Variants in SLC25A26 observed in about 807,000 individuals in gnomAD.
The protein encoded by SLC25A26 is solute carrier family 25 member 26.
SLC25A26 carries 36 observed loss-of-function variants against 37.8 expected under a neutral mutation model. The observed-to-expected ratio is 0.95, with a 90% confidence interval of 0.73 to 1.26. The LOEUF is 1.26. Ranked by LOEUF, SLC25A26 falls within the 50% of genes most tolerant of loss-of-function variation. The probability of loss-of-function intolerance (pLI) is 0.00; values close to 1 mark genes in which losing one functional copy is unlikely to be tolerated. For missense variants in SLC25A26, 390 were observed against 331.1 expected (o/e 1.18, Z -1.38); for synonymous variants, 129 against 122.5 (o/e 1.05, Z -0.35).
At chr3:66,234,950 G>A (rs1175766072) in intron 1 of SLC25A26, among the ~76,000 whole-genome samples, 1 of 152,138 alleles carries the variant, frequency 6.6e-6, no homozygotes, top group East Asian at 1.9e-4. Flanking sequence ...TACTATGTAG[G>A]AAAGTTTCCT....
chr3:66,156,415 C>T (rs910325926), intron 1 of SLC25A26, among the ~76,000 whole-genome samples: 3 of 151,652 alleles, frequency 2.0e-5, no homozygotes, highest in African/African-American at 7.3e-5. Flanking sequence ...AGATTTTCTT[C>T]AAAGCGGAGA....
chr3:66,293,650 C>G (rs1283479507), intron 5 of SLC25A26, among the ~76,000 whole-genome samples: 1 of 152,036 alleles, frequency 6.6e-6, no homozygotes, highest in Non-Finnish European at 1.5e-5. Context: ...ATTTGGTTTT[C>G]TCTTTCTGCA....
chr3:66,270,332 T>C (rs2073915192), intron 5 of SLC25A26, among the ~76,000 whole-genome samples: 1 of 152,224 alleles, frequency 6.6e-6, no homozygotes, highest in Non-Finnish European at 1.5e-5. Flanking sequence ...CTTTCCAAAC[T>C]TCTAATGTGA....
chr3:66,186,797 C>T (rs2070836975), intron 1 of SLC25A26, among the ~76,000 whole-genome samples: 1 of 151,758 alleles, frequency 6.6e-6, no homozygotes. Flanking sequence ...CTTTGAGTCT[C>T]ACCATGGCCC....
Position 66,221,024 on chromosome 3 carries a change from G to A in SLC25A26, c.-71G>A. On this transcript the variant is annotated 5_prime_UTR_variant, in exon 1 of 10. Coordinates refer to ENST00000354883, the MANE Select transcript of SLC25A26 (RefSeq NM_001379210.1). ...ACAGACCCGCCTCAAACATGGCGGC[G>A]CCCAGCGCGCGAGGACGTGATCCGC... 1 of 1,498,814 alleles carries A rather than the reference G, an allele frequency of 6.7e-7. No individual in the cohort carries two copies. Among genetic ancestry groups the A allele is most frequent in the Non-Finnish European group, 9.0e-7 (1 of 1,112,760 alleles). The allele number at this position is 1,498,814 out of a possible 1,614,324, so 92.8% of individuals were successfully genotyped here. A position where few individuals can be genotyped will look rare whatever the true frequency, so the allele number is the denominator to read the frequency against.
chr3:66,323,593 C>A (rs1339561961), intron 5 of SLC25A26, among the ~76,000 whole-genome samples: 1 of 152,050 alleles, frequency 6.6e-6, no homozygotes, highest in Non-Finnish European at 1.5e-5. Flanking sequence ...ATTGGTTGAG[C>A]CTTAGGAGTT....
intron 5 of SLC25A26, among the ~76,000 whole-genome samples, chr3:66,290,789 T>C (rs754644179): frequency 1.3e-5 from 2 of 152,198 alleles, no homozygotes; most frequent in African/African-American, 2.4e-5. Flanking sequence ...TTTTGTTGTG[T>C]CTCTGCCAGG....
chr3:66,253,341 G>T (rs1295227043), intron 3 of SLC25A26, among the ~76,000 whole-genome samples: 1 of 151,412 alleles, frequency 6.6e-6, no homozygotes, highest in East Asian at 1.9e-4. Context: ...AACTTGGGAG[G>T]TGGAGCTTGC....
chr3:66,279,666 T>C (rs2074272422), intron 5 of SLC25A26, among the ~76,000 whole-genome samples: 2 of 152,186 alleles, frequency 1.3e-5, no homozygotes, highest in South Asian at 4.1e-4. Flanking sequence ...AGGAAGGAAT[T>C]ATGTTAATGT....
chr3:66,325,030 G>T (rs1474050062), intron 5 of SLC25A26, among the ~76,000 whole-genome samples: 1 of 152,072 alleles, frequency 6.6e-6, no homozygotes, highest in Non-Finnish European at 1.5e-5. Flanking sequence ...CTTATTAGGG[G>T]GTGGAGAGGG....
chr3:66,277,825 G>A (rs1576777739), intron 5 of SLC25A26, among the ~76,000 whole-genome samples: 1 of 152,044 alleles, frequency 6.6e-6, no homozygotes, highest in East Asian at 1.9e-4. Context: ...AGGACACAAT[G>A]TCACTTCTTT....
chr3:66,261,919 AAAAG>A (rs1210056305), intron 3 of SLC25A26, 128 bp from the exon 4 acceptor site: 3 of 629,616 alleles, frequency 4.8e-6, no homozygotes, highest in South Asian at 1.9e-5. Context: ...TAAAAAAAAA[AAAAG>A]AAACTTTTTG....
At chr3:66,137,434 G>A (rs1360708611) in intron 1 of SLC25A26, among the ~76,000 whole-genome samples, 1 of 151,994 alleles carries the variant, frequency 6.6e-6, no homozygotes, top group African/African-American at 2.4e-5. Flanking sequence ...CACCATGTTG[G>A]CCAAGATGGT....
At chr3:66,149,366 G>T (rs1259844985) in intron 1 of SLC25A26, among the ~76,000 whole-genome samples, 1 of 152,134 alleles carries the variant, frequency 6.6e-6, no homozygotes, top group African/African-American at 2.4e-5. Flanking sequence ...ACAGGTTAGG[G>T]ATGACATAAT....
intron 2 of SLC25A26, among the ~76,000 whole-genome samples, chr3:66,238,794 C>G (rs2072424671): frequency 1.3e-5 from 2 of 151,214 alleles, no homozygotes; most frequent in South Asian, 4.2e-4. Context: ...GTTGAGTAGG[C>G]TGAGGAGGAG....
chr3:66,253,800 A>G (rs943212846), intron 3 of SLC25A26, among the ~76,000 whole-genome samples: 2 of 152,178 alleles, frequency 1.3e-5, no homozygotes, highest in Non-Finnish European at 2.9e-5. Context: ...AGATTTTTGT[A>G]TTGGTGGGAA....
chr3:66,303,074 C>A (rs1409053687), intron 5 of SLC25A26, among the ~76,000 whole-genome samples: 1 of 152,104 alleles, frequency 6.6e-6, no homozygotes, highest in Non-Finnish European at 1.5e-5. Context: ...ATTTAAATGT[C>A]CCCTGGGAGG....
At chr3:66,210,935 A>G (rs2071276969) in intron 1 of SLC25A26, among the ~76,000 whole-genome samples, 1 of 152,238 alleles carries the variant, frequency 6.6e-6, no homozygotes, top group African/African-American at 2.4e-5. Flanking sequence ...GCTAAAAGCA[A>G]ACATATGTCT....
At chr3:66,256,828 G>A (rs2073322580) in intron 3 of SLC25A26, among the ~76,000 whole-genome samples, 1 of 152,192 alleles carries the variant, frequency 6.6e-6, no homozygotes, top group Non-Finnish European at 1.5e-5. Flanking sequence ...CCAGGACTGA[G>A]GCTGCAGTGA....
Sources: gnomAD v4.1 joint callset for allele counts (sites outside exome capture counted in the v4.1 genomes callset) on GRCh38, gnomAD v4.1.1 for gene constraint, MANE v1.5 for transcripts, NCBI Gene and HGNC (gene_info 2026-07-23, HGNC 2026-07-21) for gene names.